The following C5orf34 variants were observed in gnomAD, a reference collection of about 807,000 sequenced individuals.
C5orf34 encodes chromosome 5 open reading frame 34, also known as uncharacterized protein C5orf34.
A neutral mutation model predicts 78.4 loss-of-function variants in C5orf34; 73 were observed. The ratio of observed to expected loss-of-function variants is 0.93; its 90% CI spans 0.77 to 1.13. The LOEUF (loss-of-function observed/expected upper bound fraction) is 1.13, where lower values mean the gene tolerates loss of function less well. Among genes scored for constraint, C5orf34 ranks in the 50% most tolerant of loss-of-function variants. C5orf34 has a pLI of 0.00. For synonymous variants in C5orf34, 251 were observed against 246.6 expected (o/e 1.02, Z -0.17); for missense variants, 730 against 732.7 (o/e 1.00, Z 0.04).
Position 43,486,926 on chromosome 5 carries a change from A to G in C5orf34, c.1906T>C (p.Ser636Pro). The change falls in exon 13 of 13, where the codon TCT (serine) becomes CCT (proline). Residue 636 changes from serine (S) to proline (P), a missense_variant. Ser to Pro is a moderately conservative substitution (Grantham distance 74). Transcript: ENST00000306862. ...LHDIDCLLSN[S>P]KK ...AATAATTCCATTTTTCACTTTTTAG[A>G]GTTTGATAGAAGACAGTCAATATCG... 6.6e-7 allele frequency: 1 copy of G among 1,512,346 alleles called. No individual in the cohort carries two copies. Among genetic ancestry groups the G allele is most frequent in the South Asian group, 1.3e-5 (1 of 75,442 alleles). The allele number at this position is 1,512,346 out of a possible 1,614,324, so 93.7% of individuals were successfully genotyped here.
chr5:43,493,253 T>C (rs952285644), intron 8 of C5orf34, among the ~76,000 whole-genome samples: 3 of 152,080 alleles, frequency 2.0e-5, no homozygotes, highest in African/African-American at 7.2e-5. Flanking sequence ...TATAGAACAC[T>C]ATAATATCAT....
intron 1 of C5orf34, among the ~76,000 whole-genome samples, chr5:43,513,678 A>G (rs1336839024): frequency 6.6e-6 from 1 of 152,154 alleles, no homozygotes; most frequent in East Asian, 1.9e-4. Context: ...GCTCTTTCCC[A>G]TCTTTGCAGT....
At chr5:43,509,714 C>T (rs558355355) in intron 1 of C5orf34, among the ~76,000 whole-genome samples, 10 of 152,172 alleles carry the variant, frequency 6.6e-5, no homozygotes, top group South Asian at 2.1e-4. Flanking sequence ...AAGTTTACTC[C>T]AATGCAGGAA....
At chr5:43,502,791 T>G (rs2112309682) in intron 5 of C5orf34, among the ~76,000 whole-genome samples, 1 of 152,370 alleles carries the variant, frequency 6.6e-6, no homozygotes, top group East Asian at 1.9e-4. Flanking sequence ...ATCACAAGGC[T>G]GGCATATAAG....
chr5:43,500,158 G>A (rs528898635), intron 6 of C5orf34, among the ~76,000 whole-genome samples: 1 of 152,286 alleles, frequency 6.6e-6, no homozygotes, highest in Admixed American at 6.5e-5. Flanking sequence ...AGGGAAAAAT[G>A]TTATGTCATT....
At position 43,508,543 on chromosome 5, in the gene C5orf34, A is replaced by G. The variant is rs754609615; in HGVS notation, c.285+34T>C. ...CCTGTTTCTAGTTACTTGTCCTCAA[A>G]TAATACTAACAAAAATGAAGTTAAA... On this transcript the variant is annotated intron_variant, in intron 3 of 12. Transcript: ENST00000306862. 3.2e-6 allele frequency: 4 copies of G among 1,268,636 alleles called. No homozygotes were observed. In the South Asian group the frequency reaches 5.1e-5, roughly 16 times the overall value. 78.6% of individuals were successfully genotyped at this position (1,268,636 alleles called of 1,614,324 possible). A position where few individuals can be genotyped will look rare whatever the true frequency, so the allele number is the denominator to read the frequency against.
intron 11 of C5orf34, among the ~76,000 whole-genome samples, chr5:43,490,178 A>C (rs1348281429): frequency 6.6e-6 from 1 of 152,174 alleles, no homozygotes; most frequent in African/African-American, 2.4e-5. Flanking sequence ...GGAGGGACTA[A>C]AATACTTGCT....
chr5:43,508,754 A>G, intron 2 of C5orf34, 88 bp from the exon 3 acceptor site: 1 of 846,462 alleles, frequency 1.2e-6, no homozygotes, highest in South Asian at 1.6e-5. Context: ...CCATAATACT[A>G]ATTACTTTTC....
intron 1 of C5orf34, among the ~76,000 whole-genome samples, chr5:43,513,683 T>C (rs1746367751): frequency 6.6e-6 from 1 of 152,238 alleles, no homozygotes; most frequent in Non-Finnish European, 1.5e-5. Context: ...TTCCCATCTT[T>C]GCAGTTCTTT....
intron 6 of C5orf34, 135 bp downstream of exon 6, chr5:43,502,237 G>A (rs1745786589): frequency 1.2e-6 from 1 of 843,626 alleles, no homozygotes; most frequent in African/African-American, 1.7e-5. Context: ...CTGGCAGTAA[G>A]ATTATATTAA....
chr5:43,495,948 C>T (rs1745499085), intron 6 of C5orf34: 9 of 1,590,536 alleles, frequency 5.7e-6, no homozygotes, highest in Non-Finnish European at 6.8e-6. Flanking sequence ...ACTTCCTTAA[C>T]AATTTCCTCT....
intron 5 of C5orf34, 65 bp from the exon 6 acceptor site, chr5:43,502,560 G>A: frequency 1.1e-6 from 1 of 939,484 alleles, no homozygotes. Context: ...CATGAAGATA[G>A]TCATCAAAAA....
intron 5 of C5orf34, among the ~76,000 whole-genome samples, chr5:43,503,338 A>G (rs1002518156): frequency 6.6e-6 from 1 of 152,246 alleles, no homozygotes; most frequent in African/African-American, 2.4e-5. Context: ...ACTATTTCAA[A>G]CAACTTGATC....
chr5:43,503,700 T>C lies in C5orf34; in HGVS notation c.993A>G (p.Leu331=), dbSNP rs771399896. Residue 331 remains leucine (L), a synonymous_variant, in exon 5 of 13, where the codon CTA becomes CTG. Coordinates refer to ENST00000306862, the MANE Select transcript of C5orf34 (RefSeq NM_198566.4). ...CACCTTTGTACCAAACCATTTTCAC[T>C]AGTTCAGGATAGGAATATTCATCAG... ...RQSDEYSYPE[L]VKMVWYKGVT... The C allele has an allele frequency of 6.2e-7, 1 of 1,613,654 alleles. No individual in the cohort carries two copies.
intron 8 of C5orf34, 102 bp downstream of exon 8, chr5:43,493,441 T>C (rs1184613862): frequency 2.1e-5 from 15 of 700,054 alleles, no homozygotes; most frequent in Non-Finnish European, 3.4e-5. Flanking sequence ...GTTACAAGAA[T>C]TTCTCACATG....
At chr5:43,494,090 A>G (rs916753600) in intron 7 of C5orf34, among the ~76,000 whole-genome samples, 8 of 152,210 alleles carry the variant, frequency 5.3e-5, no homozygotes, top group Non-Finnish European at 1.0e-4. Flanking sequence ...TTTTAAAAAC[A>G]TATGAACCAA....
intron 4 of C5orf34, among the ~76,000 whole-genome samples, chr5:43,505,035 T>C (rs913636284): frequency 1.3e-5 from 2 of 152,240 alleles, no homozygotes; most frequent in Non-Finnish European, 2.9e-5. Context: ...ATAGGGATGA[T>C]ACGTTTTTTA....
At chr5:43,495,451 T>G in intron 6 of C5orf34, 2 of 1,610,738 alleles carry the variant, frequency 1.2e-6, no homozygotes, top group East Asian at 4.5e-5. Flanking sequence ...AGTCAGCTGT[T>G]TCCATTGGTG....
Position 43,487,932 on chromosome 5 carries a change from A to T in C5orf34, c.1697T>A (p.Leu566His), listed in dbSNP as rs778529172. 1 of 1,605,662 alleles carries T rather than the reference A, an allele frequency of 6.2e-7. No individual in the cohort carries two copies. Among genetic ancestry groups the T allele is most frequent in the South Asian group, 1.1e-5 (1 of 90,184 alleles). Residue 566 changes from leucine to histidine, a missense_variant, in exon 12 of 13, where the codon CTT (leucine) becomes CAT (histidine). Transcript: ENST00000306862. ...ACAGTTAAACTTCTGTATCTTTTCA[A>T]GTTCAGAAGCAACAGACCTGTCCAA... Reference protein sequence around the residue: ...LQENWSVASELEKIQKFNLLL... With the variant: ...LQENWSVASEHEKIQKFNLLL...
Sources: gnomAD v4.1 joint callset for allele counts (sites outside exome capture counted in the v4.1 genomes callset) on GRCh38, gnomAD v4.1.1 for gene constraint, MANE v1.5 for transcripts, NCBI Gene and HGNC (gene_info 2026-07-23, HGNC 2026-07-21) for gene names.